Variants in ATG5 observed in about 807,000 individuals in gnomAD.
ATG5 encodes the protein autophagy protein 5.
Under a neutral mutation model 36.5 loss-of-function variants are expected in ATG5, and 14 were observed. The observed-to-expected ratio is 0.38, with a 90% confidence interval of 0.25 to 0.60. The LOEUF is 0.60. Among genes scored for constraint, ATG5 ranks in the 20% least tolerant of loss-of-function variants. The pLI is 0.60. For synonymous variants in ATG5, 95 were observed against 101.5 expected (o/e 0.94, Z 0.38); for missense variants, 195 against 326.7 (o/e 0.60, Z 3.11).
intron 6 of ATG5, among the ~76,000 whole-genome samples, chr6:106,209,432 AG>A (rs1169650050): frequency 9.9e-5 from 15 of 152,226 alleles, no homozygotes; most frequent in Non-Finnish European, 1.8e-4. Context: ...CAATCTCAAA[AG>A]GTTACACACT....
chr6:106,262,623 C>CGGCAG (rs1779069283), intron 5 of ATG5, among the ~76,000 whole-genome samples: 1 of 151,988 alleles, frequency 6.6e-6, no homozygotes, highest in Admixed American at 6.5e-5. Context: ...ACACAGAAGG[C>CGGCAG]GGCAGGTGAT....
chr6:106,304,389 A>G (rs1455572283), intron 3 of ATG5: 2 of 152,234 alleles, frequency 1.3e-5, no homozygotes, highest in Non-Finnish European at 1.5e-5. Context: ...AGGTGTTTTC[A>G]GCAGCTTTTC....
At chr6:106,216,351 A>C (rs374796186) in intron 6 of ATG5, among the ~76,000 whole-genome samples, 3 of 152,248 alleles carry the variant, frequency 2.0e-5, no homozygotes, top group African/African-American at 7.2e-5. Flanking sequence ...GACAATCCAC[A>C]TGTCTATCAA....
At chr6:106,310,192 T>C (rs1770597311) in intron 2 of ATG5, among the ~76,000 whole-genome samples, 1 of 152,150 alleles carries the variant, frequency 6.6e-6, no homozygotes, top group South Asian at 2.1e-4. Context: ...AATAAATATT[T>C]GCTGAATGAG....
intron 3 of ATG5, among the ~76,000 whole-genome samples, chr6:106,304,907 T>C (rs1254931472): frequency 1.3e-5 from 2 of 151,942 alleles, no homozygotes; most frequent in East Asian, 1.9e-4. Flanking sequence ...GCCTGGCCAA[T>C]ATGGTGAAAC....
intron 3 of ATG5, among the ~76,000 whole-genome samples, chr6:106,297,717 AACACACACACACACAC>A (rs56336702): frequency 6.0e-4 from 81 of 135,514 alleles, no homozygotes; most frequent in South Asian, 1.2e-3. Context: ...AAATGACTTA[AACACACACACACACAC>A]ACACACACAC....
At chr6:106,213,344 G>A (rs1776926618) in intron 6 of ATG5, among the ~76,000 whole-genome samples, 1 of 152,124 alleles carries the variant, frequency 6.6e-6, no homozygotes, top group Non-Finnish European at 1.5e-5. Context: ...GGCATTTAGA[G>A]CAAAACCAAA....
At chr6:106,267,191 C>A (rs1779259927) in intron 5 of ATG5, among the ~76,000 whole-genome samples, 1 of 152,164 alleles carries the variant, frequency 6.6e-6, no homozygotes, top group Admixed American at 6.5e-5. Flanking sequence ...CATTCCTATA[C>A]ACCAACAGCA....
At chr6:106,196,301 G>A (rs1480480166) in intron 7 of ATG5, among the ~76,000 whole-genome samples, 2 of 152,150 alleles carry the variant, frequency 1.3e-5, no homozygotes, top group Non-Finnish European at 2.9e-5. Flanking sequence ...ATTTCAGAAT[G>A]TTATTTTAAA....
At chr6:106,213,291 A>G (rs904807116) in intron 6 of ATG5, among the ~76,000 whole-genome samples, 31 of 152,356 alleles carry the variant, frequency 2.0e-4, no homozygotes, top group African/African-American at 7.2e-4. Flanking sequence ...CACTATGAAA[A>G]AAATTACAAA....
chr6:106,325,119 A>T (rs1458152868), intron 1 of ATG5, among the ~76,000 whole-genome samples: 2 of 152,238 alleles, frequency 1.3e-5, no homozygotes, highest in African/African-American at 4.8e-5. Context: ...GAGACAGGGA[A>T]TATCGTAAAT....
chr6:106,314,465 G>A (rs1770765299), intron 2 of ATG5, among the ~76,000 whole-genome samples: 1 of 152,176 alleles, frequency 6.6e-6, no homozygotes, highest in African/African-American at 2.4e-5. Context: ...GCTGAGGCAT[G>A]AGAATCATTT....
chr6:106,211,298 T>C (rs1265157500), intron 6 of ATG5, among the ~76,000 whole-genome samples: 2 of 152,172 alleles, frequency 1.3e-5, no homozygotes, highest in African/African-American at 2.4e-5. Context: ...ATGCACTGGG[T>C]TGTAAAACTT....
chr6:106,247,922 C>T (rs1479496745), intron 6 of ATG5, among the ~76,000 whole-genome samples: 90 of 152,160 alleles, frequency 5.9e-4, no homozygotes, highest in Non-Finnish European at 1.3e-4. Flanking sequence ...TTTTAGTAAG[C>T]ATGTGAATCT....
intron 4 of ATG5, among the ~76,000 whole-genome samples, chr6:106,291,741 T>G (rs1157016005): frequency 2.0e-5 from 3 of 152,264 alleles, no homozygotes; most frequent in Non-Finnish European, 4.4e-5. Context: ...TAGTTTTATC[T>G]CCACACCTCT....
intron 6 of ATG5, among the ~76,000 whole-genome samples, chr6:106,211,289 T>C (rs1159289988): frequency 1.3e-5 from 2 of 152,168 alleles, no homozygotes; most frequent in African/African-American, 4.8e-5. Flanking sequence ...AGATGCACAA[T>C]GCACTGGGTT....
At chr6:106,209,823 G>A (rs1776790439) in intron 6 of ATG5, among the ~76,000 whole-genome samples, 1 of 152,154 alleles carries the variant, frequency 6.6e-6, no homozygotes, top group South Asian at 2.1e-4. Flanking sequence ...ACAATTGCAT[G>A]TGAATCTGTA....
chr6:106,312,696 C>T (rs1770697406), intron 2 of ATG5, among the ~76,000 whole-genome samples: 1 of 151,368 alleles, frequency 6.6e-6, no homozygotes, highest in South Asian at 2.1e-4. Context: ...ACCAAGGATA[C>T]TGAGCACTGC....
intron 6 of ATG5, among the ~76,000 whole-genome samples, chr6:106,207,985 G>A (rs1050815261): frequency 2.6e-5 from 4 of 152,108 alleles, no homozygotes; most frequent in East Asian, 1.9e-4. Context: ...CCAGCTACTC[G>A]GGAGGCTGAG....
Sources: allele counts gnomAD v4.1 joint callset (sites outside exome capture counted in the v4.1 genomes callset), GRCh38; gene constraint gnomAD v4.1.1; transcripts MANE v1.5; gene names NCBI Gene and HGNC (gene_info 2026-07-23, HGNC 2026-07-21).